ILDR1: variants seen among roughly 807,000 people sequenced by gnomAD.
ILDR1 encodes immunoglobulin-like domain-containing receptor 1.
In ILDR1, 56 loss-of-function variants were observed where a neutral mutation model predicts 62.4. That is an observed-to-expected ratio of 0.90 (90% CI 0.72 to 1.12). The LOEUF (loss-of-function observed/expected upper bound fraction) is 1.12. Ranked by LOEUF, ILDR1 falls within the 50% of genes most tolerant of loss-of-function variation. The pLI, the probability that ILDR1 is intolerant of heterozygous loss-of-function variation, is 0.00. For synonymous variants in ILDR1, 284 were observed against 277.8 expected (o/e 1.02, Z -0.22); for missense variants, 736 against 710.6 (o/e 1.04, Z -0.41).
chr3:122,055,595 T>A, the ILDR1 span: 1 of 1,153,918 alleles, frequency 8.7e-7, no homozygotes. Flanking sequence ...ATGTGTGTCC[T>A]TCACTTAGTT....
the ILDR1 span, among the ~76,000 whole-genome samples, chr3:122,029,244 T>G: frequency 1.3e-5 from 2 of 152,070 alleles, no homozygotes; most frequent in Non-Finnish European, 2.9e-5. Context: ...TGGTGGCTCA[T>G]GCCTGTAATC....
At chr3:122,013,087 T>A (rs893278522) in intron 1 of ILDR1, among the ~76,000 whole-genome samples, 1 of 152,168 alleles carries the variant, frequency 6.6e-6, no homozygotes, top group Non-Finnish European at 1.5e-5. Flanking sequence ...GAGTGGGGAC[T>A]ACCATCCTAC....
chr3:122,054,418 C>T, the ILDR1 span, among the ~76,000 whole-genome samples: 8 of 151,734 alleles, frequency 5.3e-5, no homozygotes, highest in African/African-American at 1.9e-4. Context: ...TGTTTTCTTG[C>T]CTGCTTGGTG....
At position 121,993,289 on chromosome 3, in the gene ILDR1, C is replaced by G. The variant is rs773467432; in HGVS notation, c.1460G>C (p.Arg487Thr). ...GTGGGCCCGCCAGCTCTGGGGCTGC[C>G]TCTCCTTGTCCTCTTCAGAGCTCCA... is the stretch of plus-strand genomic sequence containing the variant. ...SSWSSEEDKE[R>T]QPQSWRAHRR... Residue 487 changes from arginine to threonine, a missense_variant, in exon 7 of 8, where the codon AGG becomes ACG. Physicochemically the swap from Arg to Thr is moderately conservative, Grantham distance 71. Transcript: ENST00000344209. 3 of 1,613,664 alleles carry G rather than the reference C, an allele frequency of 1.9e-6. No individual in the cohort carries two copies. Among genetic ancestry groups the G allele is most frequent in the Middle Eastern group, 3.3e-4 (2 of 6,062 alleles).
chr3:122,040,824 G>A, the ILDR1 span, among the ~76,000 whole-genome samples: 1 of 149,774 alleles, frequency 6.7e-6, no homozygotes, highest in Admixed American at 6.7e-5. Context: ...TGACATAAAA[G>A]AAAATATAGA....
the ILDR1 span, among the ~76,000 whole-genome samples, chr3:122,048,180 T>C: frequency 3.9e-5 from 6 of 152,334 alleles, no homozygotes; most frequent in Admixed American, 3.3e-4. Flanking sequence ...TGTTAAATTT[T>C]ACCAAGTATT....
Position 122,005,285 on chromosome 3 carries a change from A to G in ILDR1, c.338T>C (p.Leu113Pro), listed in dbSNP as rs1312039347. Residue 113 changes from leucine (L) to proline (P), a missense_variant, in exon 3 of 8, where the codon CTG (leucine) becomes CCG (proline). Leu to Pro is a moderately conservative substitution (Grantham distance 98). Coordinates refer to ENST00000344209, the MANE Select transcript of ILDR1 (RefSeq NM_001199799.2). Reference protein sequence around the residue: ...AQRRGQNEPVLGVDYRQRKIT... With the variant: ...AQRRGQNEPVPGVDYRQRKIT... ...CTTGCGCTGCCGGTAATCTACCCCC[A>G]GCACGGGCTCATTCTGCCCCCGCCG... 1.3e-6 allele frequency: 2 copies of G among 1,538,908 alleles called. No individual in the cohort carries two copies. Among genetic ancestry groups the G allele is most frequent in the East Asian group, 2.5e-5 (1 of 39,300 alleles).
chr3:122,035,483 T>G, the ILDR1 span, among the ~76,000 whole-genome samples: 1 of 152,246 alleles, frequency 6.6e-6, no homozygotes, highest in Non-Finnish European at 1.5e-5. Context: ...TTTGTGTCCC[T>G]GCTCAAATCT....
At chr3:121,998,468 G>A (rs72963383) in intron 5 of ILDR1, among the ~76,000 whole-genome samples, 6,263 of 152,124 alleles carry the variant, frequency 0.041, 441 homozygotes, top group African/African-American at 0.14. Context: ...TGACCTCATC[G>A]GCCCAAGTTC....
the ILDR1 span, among the ~76,000 whole-genome samples, chr3:122,054,407 T>C: frequency 6.6e-6 from 1 of 152,210 alleles, no homozygotes; most frequent in Non-Finnish European, 1.5e-5. Context: ...GTTGCAGTTG[T>C]TGTTTTCTTG....
chr3:121,988,523 G>A (rs181533691), intron 7 of ILDR1, 115 bp from the exon 8 acceptor site: 3 of 809,440 alleles, frequency 3.7e-6, no homozygotes, highest in Non-Finnish European at 6.4e-6. Flanking sequence ...TGGCTGCCAG[G>A]ACAGCAGATC....
the ILDR1 span, among the ~76,000 whole-genome samples, chr3:122,057,903 T>C: frequency 3.3e-5 from 5 of 152,238 alleles, no homozygotes; most frequent in Non-Finnish European, 5.9e-5. Context: ...GGGAGGACAG[T>C]GCAGTGGCTA....
chr3:122,050,206 A>T, the ILDR1 span, among the ~76,000 whole-genome samples: 1 of 152,190 alleles, frequency 6.6e-6, no homozygotes, highest in Non-Finnish European at 1.5e-5. Flanking sequence ...TTATTTTTTT[A>T]AAACTCATTC....
intron 2 of ILDR1, among the ~76,000 whole-genome samples, chr3:122,005,927 A>T (rs1356717001): frequency 1.4e-5 from 2 of 140,206 alleles, no homozygotes; most frequent in African/African-American, 5.3e-5. Context: ...AAAAACAAAA[A>T]CAAACAAACA....
At chr3:122,038,923 T>C in the ILDR1 span, among the ~76,000 whole-genome samples, 1 of 152,226 alleles carries the variant, frequency 6.6e-6, no homozygotes, top group African/African-American at 2.4e-5. Flanking sequence ...ATACATTATG[T>C]GTAGCAAAAT....
At chr3:122,016,092 T>A (rs1182549133) in intron 1 of ILDR1, among the ~76,000 whole-genome samples, 1 of 152,270 alleles carries the variant, frequency 6.6e-6, no homozygotes, top group Non-Finnish European at 1.5e-5. Flanking sequence ...CCACTCTTCC[T>A]GTGGCTTCCT....
Position 122,001,370 on chromosome 3 carries a change from T to C in ILDR1, c.584A>G (p.Gln195Arg), listed in dbSNP as rs199829749. 7 of 1,613,916 alleles carry C rather than the reference T, an allele frequency of 4.3e-6. No individual in the cohort carries two copies. In the African/African-American group the frequency reaches 9.4e-5, roughly 22 times the overall value. Residue 195 changes from glutamine (Q) to arginine (R), a missense_variant, in exon 5 of 8, where the codon CAG (glutamine) becomes CGG (arginine). Coordinates refer to ENST00000344209, the MANE Select transcript of ILDR1 (RefSeq NM_001199799.2). ...IGVCWCQCCP[Q>R]YCCCYIRCPC... ...ACAGCGGATATAGCAGCAGCAATAC[T>C]GAGGACAGCACTGGCACCAGCACAC...
the ILDR1 span, among the ~76,000 whole-genome samples, chr3:122,046,885 T>A: frequency 1.0e-4 from 15 of 145,876 alleles, no homozygotes; most frequent in Admixed American, 4.8e-4. Context: ...TAGCTCAGAG[T>A]AATTTGACCG....
At chr3:122,048,646 G>T in the ILDR1 span, among the ~76,000 whole-genome samples, 3 of 152,136 alleles carry the variant, frequency 2.0e-5, no homozygotes, top group African/African-American at 4.8e-5. Context: ...TTATGATTCA[G>T]CTTTGGTAGG....
Sources: gnomAD v4.1 joint callset for allele counts (sites outside exome capture counted in the v4.1 genomes callset) on GRCh38, gnomAD v4.1.1 for gene constraint, MANE v1.5 for transcripts, NCBI Gene and HGNC (gene_info 2026-07-23, HGNC 2026-07-21) for gene names.